Variants in FRYL observed in about 807,000 individuals in gnomAD.
FRYL encodes the protein FRY like transcription coactivator, also known as protein furry homolog-like.
A neutral mutation model predicts 351.2 loss-of-function variants in FRYL; 150 were observed. The observed-to-expected ratio is 0.43, with a 90% CI of 0.37 to 0.49. The LOEUF is 0.49. Ranked by LOEUF, FRYL falls within the 20% of genes least tolerant of loss-of-function variation. The probability of loss-of-function intolerance (pLI) is 0.00; values close to 1 mark genes in which losing one functional copy is unlikely to be tolerated. For synonymous variants in FRYL, 1,153 were observed against 1,257.1 expected (o/e 0.92, Z 1.75); for missense variants, 3,036 against 3,619.3 (o/e 0.84, Z 4.13).
intron 19 of FRYL, among the ~76,000 whole-genome samples, chr4:48,586,056 G>A (rs1742032269): frequency 6.6e-6 from 1 of 152,072 alleles, no homozygotes; most frequent in Admixed American, 6.5e-5. Flanking sequence ...CATCAACAAA[G>A]CAGTTTTTCA....
chr4:48,717,873 C>T (rs1190963664), intron 1 of FRYL, among the ~76,000 whole-genome samples: 1 of 151,522 alleles, frequency 6.6e-6, no homozygotes, highest in Non-Finnish European at 1.5e-5. Flanking sequence ...GTGACTTGCA[C>T]GGCATGTGAA....
chr4:48,659,513 AGGG>A (rs753212538), intron 3 of FRYL, among the ~76,000 whole-genome samples: 1 of 1,474 alleles, frequency 6.8e-4, no homozygotes, highest in African/African-American at 7.2e-4. Flanking sequence ...GAAGAAGAAG[AGGG>A]AGAAGAGGGA....
intron 1 of FRYL, among the ~76,000 whole-genome samples, chr4:48,775,390 C>T (rs958509238): frequency 5.3e-5 from 8 of 152,216 alleles, no homozygotes; most frequent in Admixed American, 5.2e-4. Flanking sequence ...TAGCATGGTA[C>T]ACACTATAGA....
intron 62 of FRYL, among the ~76,000 whole-genome samples, chr4:48,501,356 T>C (rs1286865103): frequency 6.6e-6 from 1 of 152,116 alleles, no homozygotes; most frequent in Non-Finnish European, 1.5e-5. Context: ...ATCCCTGGCT[T>C]TTACTTGACT....
intron 3 of FRYL, among the ~76,000 whole-genome samples, chr4:48,676,643 G>C (rs990723348): frequency 6.6e-6 from 1 of 151,576 alleles, no homozygotes; most frequent in South Asian, 2.1e-4. Context: ...CGCCCGCCTC[G>C]GCCTCCCGAA....
intron 3 of FRYL, among the ~76,000 whole-genome samples, chr4:48,642,745 CT>C (rs1310992649): frequency 2.6e-5 from 4 of 151,946 alleles, no homozygotes; most frequent in Admixed American, 6.6e-5. Context: ...CTATAGTTTC[CT>C]TGAGGTTATT....
chr4:48,514,857 T>C (rs1203593492), intron 56 of FRYL, among the ~76,000 whole-genome samples, 171 bp downstream of exon 56: 1 of 152,356 alleles, frequency 6.6e-6, no homozygotes, highest in Admixed American at 6.5e-5. Context: ...AGGCATTTTA[T>C]TTTTAAAAAC....
intron 6 of FRYL, 47 bp downstream of exon 6, chr4:48,620,592 G>A: frequency 1.3e-6 from 2 of 1,542,334 alleles, no homozygotes; most frequent in South Asian, 2.4e-5. Context: ...CCCCTTCATT[G>A]GAAGTGTGTT....
At chr4:48,663,301 A>C (rs1761133250) in intron 3 of FRYL, among the ~76,000 whole-genome samples, 1 of 149,512 alleles carries the variant, frequency 6.7e-6, no homozygotes, top group South Asian at 2.1e-4. Flanking sequence ...TCATTTTATA[A>C]ACCCCAGAAC....
intron 2 of FRYL, among the ~76,000 whole-genome samples, chr4:48,705,557 T>TAA (rs35570215): frequency 0.038 from 5,414 of 144,260 alleles, 109 homozygotes; most frequent in Admixed American, 0.05. Context: ...ATATTTTTCT[T>TAA]AAAAAAAAAA....
At chr4:48,643,415 G>A (rs1047465478) in intron 3 of FRYL, among the ~76,000 whole-genome samples, 5 of 152,082 alleles carry the variant, frequency 3.3e-5, no homozygotes, top group African/African-American at 1.2e-4. Flanking sequence ...CTTAAAAGAC[G>A]GTAGCAGTCT....
chr4:48,675,373 C>T (rs1005056216), intron 3 of FRYL, among the ~76,000 whole-genome samples: 3 of 152,206 alleles, frequency 2.0e-5, no homozygotes, highest in Non-Finnish European at 2.9e-5. Context: ...GGGCTGCCTG[C>T]GGCGCTTGCG....
At chr4:48,735,196 T>C (rs1156362696) in intron 1 of FRYL, among the ~76,000 whole-genome samples, 1 of 93,772 alleles carries the variant, frequency 1.1e-5, no homozygotes, top group African/African-American at 4.2e-5. Flanking sequence ...AAGACATTTA[T>C]GCAGCCAAAA....
At chr4:48,774,544 TA>T (rs1379647202) in intron 1 of FRYL, among the ~76,000 whole-genome samples, 1 of 151,722 alleles carries the variant, frequency 6.6e-6, no homozygotes, top group Non-Finnish European at 1.5e-5. Flanking sequence ...TTAATACAAA[TA>T]ATTTTTTTTT....
At chr4:48,702,328 T>C (rs1169146681) in intron 2 of FRYL, among the ~76,000 whole-genome samples, 5 of 150,470 alleles carry the variant, frequency 3.3e-5, no homozygotes, top group Admixed American at 1.3e-4. Context: ...TGGTGGTGCA[T>C]GTCTGTAATC....
intron 57 of FRYL, among the ~76,000 whole-genome samples, 198 bp from the exon 58 acceptor site, chr4:48,511,182 C>T (rs1185516892): frequency 6.6e-6 from 1 of 152,004 alleles, no homozygotes; most frequent in African/African-American, 2.4e-5. Flanking sequence ...CAAAAATTTA[C>T]AAAATAGTAT....
intron 36 of FRYL, among the ~76,000 whole-genome samples, chr4:48,552,759 T>A (rs1733165000): frequency 6.6e-6 from 1 of 152,052 alleles, no homozygotes; most frequent in Admixed American, 6.6e-5. Context: ...TGGTAAAAAA[T>A]AAATTATAAA....
chr4:48,667,224 C>A (rs1761868110), intron 3 of FRYL, among the ~76,000 whole-genome samples: 1 of 152,092 alleles, frequency 6.6e-6, no homozygotes. Context: ...TGTAGGTATA[C>A]CCTAGTGGAC....
At chr4:48,716,371 A>G (rs2149601396) in intron 1 of FRYL, among the ~76,000 whole-genome samples, 1 of 151,568 alleles carries the variant, frequency 6.6e-6, no homozygotes, top group South Asian at 2.1e-4. Flanking sequence ...TTCGCAACCT[A>G]CTCATCTGAC....
Sources: gnomAD v4.1 joint callset for allele counts (sites outside exome capture counted in the v4.1 genomes callset) on GRCh38, gnomAD v4.1.1 for gene constraint, MANE v1.5 for transcripts, NCBI Gene and HGNC (gene_info 2026-07-23, HGNC 2026-07-21) for gene names.